Variants in RASSF8 observed in about 807,000 individuals in gnomAD.
RASSF8 encodes Ras association domain family member 8.
RASSF8 carries 22 observed loss-of-function variants against 48.5 expected under a neutral mutation model. The ratio of observed to expected loss-of-function variants is 0.45; its 90% CI spans 0.32 to 0.65. The LOEUF (loss-of-function observed/expected upper bound fraction) is 0.65, where lower values mean the gene tolerates loss of function less well. Ranked by LOEUF, RASSF8 falls within the 30% of genes least tolerant of loss-of-function variation. The pLI, the probability that RASSF8 is intolerant of heterozygous loss-of-function variation, is 0.03. For synonymous variants in RASSF8, 127 were observed against 171.5 expected, an observed-to-expected ratio of 0.74 and a Z score of 2.03; for missense variants, 418 against 489.2, an observed-to-expected ratio of 0.85 and a Z score of 1.37.
chr12:26,055,747 G>A (rs1943588534), intron 3 of RASSF8, among the ~76,000 whole-genome samples: 1 of 152,152 alleles, frequency 6.6e-6, no homozygotes, highest in Non-Finnish European at 1.5e-5. Flanking sequence ...CCAAAATTTA[G>A]ACCCAGATTA....
At chr12:26,012,651 C>T (rs531441860) in intron 2 of RASSF8, among the ~76,000 whole-genome samples, 14 of 147,936 alleles carry the variant, frequency 9.5e-5, no homozygotes, top group African/African-American at 3.2e-4. Flanking sequence ...TTTTTCTGGG[C>T]GTGATGTTCC....
At chr12:26,031,799 C>G (rs1475726809) in intron 2 of RASSF8, among the ~76,000 whole-genome samples, 1 of 152,140 alleles carries the variant, frequency 6.6e-6, no homozygotes, top group East Asian at 1.9e-4. Context: ...ACATGTAAAA[C>G]TACAGATATT....
At position 26,070,777 on chromosome 12, in the gene RASSF8, G is replaced by T. The variant is rs544932084; in HGVS notation, c.*1959G>T. On this transcript the variant is annotated 3_prime_UTR_variant, in exon 6 of 6. Transcript: ENST00000689635. ...AAGAAAAACATTTTATAAATTGATCGCATTTTCTTTAAGTCAAAATGTTAA... is the reference window on the plus strand; with the variant it reads ...AAGAAAAACATTTTATAAATTGATCTCATTTTCTTTAAGTCAAAATGTTAA... 2.9e-5 allele frequency: 28 copies of T among 981,420 alleles called. No homozygotes were observed. The highest frequency in any genetic ancestry group is 2.8e-4 in the African/African-American group (16 of 57,184). The allele number at this position is 981,420 out of a possible 1,614,324, so 60.8% of individuals were successfully genotyped here. A position where few individuals can be genotyped will look rare whatever the true frequency, so the allele number is the denominator to read the frequency against.
chr12:26,049,969 A>G (rs1943455285), intron 2 of RASSF8, among the ~76,000 whole-genome samples: 1 of 151,998 alleles, frequency 6.6e-6, no homozygotes, highest in African/African-American at 2.4e-5. Flanking sequence ...TATTTTTAGT[A>G]GAGACAGGGT....
At chr12:25,989,073 A>G (rs1449223861) in intron 1 of RASSF8, among the ~76,000 whole-genome samples, 1 of 152,226 alleles carries the variant, frequency 6.6e-6, no homozygotes, top group African/African-American at 2.4e-5. Context: ...AAGCGGTAGT[A>G]AAGACAGATT....
At chr12:25,989,864 G>C (rs1941973949) in intron 1 of RASSF8, among the ~76,000 whole-genome samples, 1 of 152,134 alleles carries the variant, frequency 6.6e-6, no homozygotes, top group Admixed American at 6.6e-5. Flanking sequence ...AATTTACCCA[G>C]TATGGGAGTC....
At chr12:26,010,813 A>G (rs1212612630) in intron 2 of RASSF8, among the ~76,000 whole-genome samples, 1 of 151,936 alleles carries the variant, frequency 6.6e-6, no homozygotes. Flanking sequence ...ACAACGTGAG[A>G]GACTTCTGTA....
intron 1 of RASSF8, among the ~76,000 whole-genome samples, chr12:25,972,379 A>G (rs1048118540): frequency 1.4e-4 from 21 of 152,060 alleles, no homozygotes; most frequent in African/African-American, 4.8e-4. Context: ...ATGTAATATT[A>G]TAAATATATA....
intron 4 of RASSF8, among the ~76,000 whole-genome samples, chr12:26,066,890 C>T (rs1943887345): frequency 1.3e-5 from 2 of 152,244 alleles, no homozygotes; most frequent in South Asian, 2.1e-4. Context: ...CTTGCTTTTA[C>T]AGCTTTCCAG....
chr12:26,060,732 A>C (rs1027144134), intron 3 of RASSF8, among the ~76,000 whole-genome samples: 1 of 152,216 alleles, frequency 6.6e-6, no homozygotes, highest in Non-Finnish European at 1.5e-5. Context: ...CAAAATTTTC[A>C]TTAAAATATT....
intron 1 of RASSF8, among the ~76,000 whole-genome samples, chr12:25,974,148 C>T (rs1011311059): frequency 6.6e-6 from 1 of 151,608 alleles, no homozygotes; most frequent in South Asian, 2.1e-4. Flanking sequence ...GAGGTTGGAG[C>T]AATGTAAATG....
chr12:26,033,744 T>A (rs1042462069), intron 2 of RASSF8, among the ~76,000 whole-genome samples: 1 of 152,128 alleles, frequency 6.6e-6, no homozygotes, highest in African/African-American at 2.4e-5. Context: ...AATATGCACA[T>A]CTGCCTTGTC....
At chr12:26,075,708 A>G (rs996517432), downstream of RASSF8, among the ~76,000 whole-genome samples, 3 of 152,218 alleles carry the variant, frequency 2.0e-5, no homozygotes. Context: ...GTGAAGATCA[A>G]ATAAACAAAT....
At chr12:25,976,226 T>C (rs913761349) in intron 1 of RASSF8, among the ~76,000 whole-genome samples, 1 of 152,144 alleles carries the variant, frequency 6.6e-6, no homozygotes, top group East Asian at 1.9e-4. Flanking sequence ...ACTGTAACCC[T>C]CCGCTTAAGG....
chr12:26,017,083 AT>A (rs1377288855), intron 2 of RASSF8, among the ~76,000 whole-genome samples: 11 of 152,110 alleles, frequency 7.2e-5, no homozygotes, highest in Non-Finnish European at 1.3e-4. Context: ...GATTTTTCAT[AT>A]GGGAATAAAA....
At chr12:26,060,569 G>C (rs1943720710) in intron 3 of RASSF8, among the ~76,000 whole-genome samples, 2 of 152,074 alleles carry the variant, frequency 1.3e-5, no homozygotes, top group Admixed American at 1.3e-4. Context: ...ATATATAAAA[G>C]CATCAAAAGC....
chr12:26,019,971 G>A (rs1462756017), intron 2 of RASSF8, among the ~76,000 whole-genome samples: 6 of 152,136 alleles, frequency 3.9e-5, no homozygotes, highest in South Asian at 4.1e-4. Context: ...ATTTGTCTAG[G>A]ATGTAACAGG....
chr12:25,968,976 C>A (rs1343235429), intron 1 of RASSF8, among the ~76,000 whole-genome samples: 4 of 152,172 alleles, frequency 2.6e-5, no homozygotes, highest in African/African-American at 9.7e-5. Context: ...TGGCTGCCTA[C>A]AGGAAGAACG....
chr12:25,995,020 C>T lies in RASSF8; in HGVS notation c.-202-17C>T, dbSNP rs1474582258. ...ACAAATTAGCCAGGACTGTAAGAAC[C>T]CTATGTACCTTTGCAGGTGCCTGTG... On this transcript the variant is annotated splice_polypyrimidine_tract_variant and intron_variant, in intron 1 of 5. Coordinates refer to ENST00000689635, the MANE Select transcript of RASSF8 (RefSeq NM_001394098.1). The T allele has an allele frequency of 6.6e-6, 1 of 152,110 alleles. No homozygotes were observed. Among genetic ancestry groups the T allele is most frequent in the Non-Finnish European group, 1.5e-5 (1 of 68,028 alleles). The allele number at this position is 152,110 out of a possible 1,614,324, so 9.4% of individuals were successfully genotyped here.
Sources: gnomAD v4.1 joint callset for allele counts (sites outside exome capture counted in the v4.1 genomes callset) on GRCh38, gnomAD v4.1.1 for gene constraint, MANE v1.5 for transcripts, NCBI Gene and HGNC (gene_info 2026-07-23, HGNC 2026-07-21) for gene names.